TMEM62: variants seen among roughly 807,000 people sequenced by gnomAD.
TMEM62 encodes the protein transmembrane protein 62.
Under a neutral mutation model 70.4 loss-of-function variants are expected in TMEM62, and 41 were observed. The ratio of observed to expected loss-of-function variants is 0.58; its 90% CI spans 0.45 to 0.76. TMEM62 has a LOEUF of 0.76. TMEM62 is among the 30% of genes least tolerant of loss of function. TMEM62 has a pLI of 0.00. For synonymous variants in TMEM62, 268 were observed against 291.0 expected, an observed-to-expected ratio of 0.92 and a Z score of 0.80; for missense variants, 688 against 788.5, an observed-to-expected ratio of 0.87 and a Z score of 1.53.
At chr15:43,175,611 A>C (rs1209015643) in intron 11 of TMEM62, among the ~76,000 whole-genome samples, 1 of 152,194 alleles carries the variant, frequency 6.6e-6, no homozygotes, top group Non-Finnish European at 1.5e-5. Context: ...TTTTAAAAGC[A>C]CGTTAATTTG....
Position 43,154,817 on chromosome 15 carries a change from G to A in TMEM62, c.1168G>A (p.Glu390Lys). 2 of 1,606,372 alleles carry A rather than the reference G, an allele frequency of 1.2e-6. No homozygotes were observed. The highest frequency in any genetic ancestry group is 1.7e-6 in the Non-Finnish European group (2 of 1,177,284). The part of the protein sequence containing the change: ...RNYSSGTHNI[E>K]VIVQDSAGRS... Reference sequence around the variant, plus strand: ...CTACAGTAGTGGGACACATAACATAGAAGTAATCGTCCAGGTAAGTTAGTA... The same window carrying A: ...CTACAGTAGTGGGACACATAACATAAAAGTAATCGTCCAGGTAAGTTAGTA... Residue 390 changes from glutamate (E) to lysine (K), a missense_variant, in exon 9 of 14, where the codon GAA (glutamate) becomes AAA (lysine). Glu to Lys is a moderately conservative substitution (Grantham distance 56). Transcript: ENST00000260403.
At chr15:43,159,210 A>G (rs1327736872) in intron 9 of TMEM62, among the ~76,000 whole-genome samples, 1 of 152,190 alleles carries the variant, frequency 6.6e-6, no homozygotes, top group African/African-American at 2.4e-5. Context: ...TGGAGTATCC[A>G]CCCTCTCAAG....
In TMEM62 at chr15:43,149,158, G is replaced by T; in HGVS notation, c.866+7G>T. On this transcript the variant is annotated splice_region_variant and intron_variant, in intron 7 of 13. Transcript: ENST00000260403. ...ACTGGAAGGATAATAGGAGGTAAGGGAACCTCCCCATAGAAGAAAACTTAT... is the reference window on the plus strand; with the variant it reads ...ACTGGAAGGATAATAGGAGGTAAGGTAACCTCCCCATAGAAGAAAACTTAT... 6.2e-7 allele frequency: 1 copy of T among 1,613,518 alleles called. No individual in the cohort carries two copies. Among genetic ancestry groups the T allele is most frequent in the Non-Finnish European group, 8.5e-7 (1 of 1,179,768 alleles).
At chr15:43,177,650 A>C (rs1203566134) in intron 11 of TMEM62, among the ~76,000 whole-genome samples, 2 of 152,146 alleles carry the variant, frequency 1.3e-5, no homozygotes, top group African/African-American at 4.8e-5. Flanking sequence ...GCACATATAC[A>C]CCATGGAATA....
At chr15:43,167,427 G>C (rs1441136824) in intron 10 of TMEM62, among the ~76,000 whole-genome samples, 1 of 150,816 alleles carries the variant, frequency 6.6e-6, no homozygotes, top group East Asian at 2.0e-4. Context: ...GCCAGGCAGA[G>C]GGTCTCCTCA....
rs552969174 is a variant in TMEM62 at position 43,175,778 on chromosome 15, A to G, written c.1382-2829A>G. On this transcript the variant is annotated intron_variant, in intron 11 of 13. Coordinates refer to ENST00000260403, the MANE Select transcript of TMEM62 (RefSeq NM_024956.4). ...GACACAGAAGACGGGTGATTTCTGC[A>G]TTTCCATCTGAGGTACCAGGTTCAT... Among the ~76,000 whole-genome samples the G allele has an allele frequency of 1.4e-3, 212 of 152,290 alleles. 2 individuals carry two copies. The highest frequency in any genetic ancestry group is 5.0e-3 in the African/African-American group (208 of 41,558).
intron 3 of TMEM62, 132 bp from the exon 4 acceptor site, chr15:43,138,442 C>T (rs767928558): frequency 2.2e-5 from 15 of 692,628 alleles, no homozygotes; most frequent in African/African-American, 5.4e-5. Context: ...ATAAATGGAA[C>T]GGCTCTACCC....
At chr15:43,165,907 T>C (rs1194192574) in intron 10 of TMEM62, among the ~76,000 whole-genome samples, 1 of 152,212 alleles carries the variant, frequency 6.6e-6, no homozygotes, top group African/African-American at 2.4e-5. Context: ...ACTCCAGGAA[T>C]GGTCTCTGGT....
intron 12 of TMEM62, among the ~76,000 whole-genome samples, chr15:43,180,294 T>G (rs2041207202): frequency 6.6e-6 from 1 of 152,216 alleles, no homozygotes; most frequent in African/African-American, 2.4e-5. Context: ...GACTAATTTT[T>G]GTATTTTTAG....
At position 43,134,001 on chromosome 15, in the gene TMEM62, G is replaced by A. The variant is rs531329004; in HGVS notation, c.180+19G>A. 6 of 1,435,648 alleles carry A rather than the reference G, an allele frequency of 4.2e-6. No homozygotes were observed. The highest frequency in any genetic ancestry group is 5.7e-5 in the Admixed American group (2 of 35,262). The allele number at this position is 1,435,648 out of a possible 1,614,324, so 88.9% of individuals were successfully genotyped here. A position where few individuals can be genotyped will look rare whatever the true frequency, so the allele number is the denominator to read the frequency against. ...CCTGCAGGTGACGCGGCGGGAAGCC[G>A]GGCCGGGAGGCAGGTGCAGATCGGG... is the stretch of plus-strand genomic sequence containing the variant. On this transcript the variant is annotated intron_variant, in intron 1 of 13. Transcript: ENST00000260403.
At chr15:43,138,666 T>A in intron 4 of TMEM62, 47 bp downstream of exon 4, 2 of 1,437,986 alleles carry the variant, frequency 1.4e-6, no homozygotes, top group Non-Finnish European at 1.9e-6. Flanking sequence ...GTCAGTGTTA[T>A]AAGGAGGGTG....
chr15:43,135,461 C>A, intron 2 of TMEM62, 51 bp from the exon 3 acceptor site: 2 of 1,532,190 alleles, frequency 1.3e-6, no homozygotes, highest in Non-Finnish European at 1.7e-6. Context: ...AAAAATGGAA[C>A]CCCCAGTAGT....
intron 7 of TMEM62, among the ~76,000 whole-genome samples, chr15:43,150,419 G>C (rs899561451): frequency 6.6e-6 from 1 of 152,080 alleles, no homozygotes; most frequent in African/African-American, 2.4e-5. Flanking sequence ...CTCTCCACCA[G>C]TTTTCCTGTG....
At chr15:43,141,375 C>A (rs1277876498) in intron 4 of TMEM62, among the ~76,000 whole-genome samples, 1 of 152,182 alleles carries the variant, frequency 6.6e-6, no homozygotes, top group East Asian at 1.9e-4. Flanking sequence ...ATATATGGAA[C>A]AACAAAGCCT....
At chr15:43,162,289 G>A (rs1484369448) in intron 10 of TMEM62, among the ~76,000 whole-genome samples, 21 of 147,586 alleles carry the variant, frequency 1.4e-4, no homozygotes, top group Non-Finnish European at 2.7e-4. Flanking sequence ...AGGTGTCCCC[G>A]ACCACGTCCA....
At chr15:43,168,636 A>G (rs574856) in intron 10 of TMEM62, among the ~76,000 whole-genome samples, 81,974 of 152,000 alleles carry the variant, frequency 0.54, 26,036 homozygotes, top group Non-Finnish European at 0.68. Flanking sequence ...TTGTTTCCAC[A>G]AGAGGAAGGA....
intron 10 of TMEM62, among the ~76,000 whole-genome samples, chr15:43,167,685 G>A (rs1425660662): frequency 3.3e-5 from 5 of 150,244 alleles, no homozygotes; most frequent in Non-Finnish European, 5.9e-5. Flanking sequence ...GACGATGGGC[G>A]GCCAGGCAGA....
chr15:43,171,945 T>TAC (rs2040245405), intron 11 of TMEM62, among the ~76,000 whole-genome samples: 2 of 152,152 alleles, frequency 1.3e-5, no homozygotes, highest in Non-Finnish European at 2.9e-5. Context: ...AACTTAATTT[T>TAC]TAGTAACCTT....
chr15:43,136,036 T>TC (rs1464627580), intron 3 of TMEM62, among the ~76,000 whole-genome samples: 1 of 151,936 alleles, frequency 6.6e-6, no homozygotes, highest in African/African-American at 2.4e-5. Context: ...CCTGCCCCCA[T>TC]CCCCCAGTCC....
Sources: allele counts gnomAD v4.1 joint callset (sites outside exome capture counted in the v4.1 genomes callset), GRCh38; gene constraint gnomAD v4.1.1; transcripts MANE v1.5; gene names NCBI Gene and HGNC (gene_info 2026-07-23, HGNC 2026-07-21).